PCDH15: variants seen among roughly 807,000 people sequenced by gnomAD.
PCDH15 encodes protocadherin related 15, also known as protocadherin-15.
Under a neutral mutation model 178.5 loss-of-function variants are expected in PCDH15, and 129 were observed. That is an observed-to-expected ratio of 0.72 (90% CI 0.63 to 0.84). The LOEUF (loss-of-function observed/expected upper bound fraction) is 0.84. PCDH15 is among the 40% of genes least tolerant of loss of function. The probability of loss-of-function intolerance (pLI) is 0.00; values close to 1 mark genes in which losing one functional copy is unlikely to be tolerated. For missense variants in PCDH15, 2,230 were observed against 2,099.9 expected (o/e 1.06, Z -1.21); for synonymous variants, 800 against 732.0 (o/e 1.09, Z -1.50).
At chr10:54,982,950 A>G (rs1438552842) in intron 2 of PCDH15, among the ~76,000 whole-genome samples, 1 of 152,088 alleles carries the variant, frequency 6.6e-6, no homozygotes, top group Non-Finnish European at 1.5e-5. Context: ...AGAGACTCCA[A>G]CAGCTTGAGT....
intron 2 of PCDH15, among the ~76,000 whole-genome samples, chr10:54,569,205 A>T (rs1261999540): frequency 2.0e-5 from 3 of 152,098 alleles, no homozygotes; most frequent in Non-Finnish European, 4.4e-5. Context: ...TGAACTTTTT[A>T]TAAAATTAAA....
chr10:55,156,738 G>C (rs1205904927), intron 2 of PCDH15, among the ~76,000 whole-genome samples: 1 of 152,100 alleles, frequency 6.6e-6, no homozygotes, highest in Non-Finnish European at 1.5e-5. Flanking sequence ...CAGAGGGGGA[G>C]TTTGTAACCT....
At chr10:55,518,944 A>T (rs1260338047) in intron 2 of PCDH15, among the ~76,000 whole-genome samples, 1 of 151,766 alleles carries the variant, frequency 6.6e-6, no homozygotes, top group African/African-American at 2.4e-5. Context: ...AATACAAAAA[A>T]TTAGCCTGGC....
intron 2 of PCDH15, among the ~76,000 whole-genome samples, chr10:55,556,863 T>A (rs2132093949): frequency 6.6e-6 from 1 of 152,262 alleles, no homozygotes; most frequent in East Asian, 1.9e-4. Flanking sequence ...GTTTTTTACA[T>A]TTTTCTTAAC....
chr10:54,659,192 G>T (rs1030062996), intron 2 of PCDH15, among the ~76,000 whole-genome samples: 1 of 152,168 alleles, frequency 6.6e-6, no homozygotes, highest in Non-Finnish European at 1.5e-5. Flanking sequence ...TATATAATCT[G>T]TCTGGTGACA....
At chr10:54,677,236 G>A (rs540894074) in intron 1 of PCDH15, among the ~76,000 whole-genome samples, 12 of 152,132 alleles carry the variant, frequency 7.9e-5, no homozygotes, top group African/African-American at 2.2e-4. Flanking sequence ...AAAATTAGCC[G>A]GGAGTAAGGG....
At chr10:55,434,559 T>G (rs1838986839) in intron 2 of PCDH15, among the ~76,000 whole-genome samples, 1 of 152,088 alleles carries the variant, frequency 6.6e-6, no homozygotes, top group Non-Finnish European at 1.5e-5. Flanking sequence ...AGCTCTTCAT[T>G]AACATGTTTC....
chr10:55,196,834 G>C (rs1840106042), intron 1 of PCDH15, among the ~76,000 whole-genome samples: 1 of 151,792 alleles, frequency 6.6e-6, no homozygotes, highest in African/African-American at 2.4e-5. Flanking sequence ...TTATGACAAT[G>C]CTTTTGTAGA....
At chr10:55,206,226 G>A (rs7913959) in intron 1 of PCDH15, among the ~76,000 whole-genome samples, 8,106 of 152,136 alleles carry the variant, frequency 0.053, 247 homozygotes, top group East Asian at 0.1. Context: ...TACTGATATT[G>A]CAAATTGCTT....
intron 10 of PCDH15, 76 bp downstream of exon 10, chr10:54,213,860 G>A (rs2051709418): frequency 2.1e-6 from 2 of 931,684 alleles, no homozygotes; most frequent in Admixed American, 3.7e-5. Flanking sequence ...ACATAAAACT[G>A]CCTACAGTAG....
At chr10:54,363,775 T>A (rs1478444330) in intron 5 of PCDH15, among the ~76,000 whole-genome samples, 2 of 152,180 alleles carry the variant, frequency 1.3e-5, no homozygotes, top group African/African-American at 4.8e-5. Context: ...TGAGAGTATA[T>A]TTTCTTTCAA....
intron 13 of PCDH15, among the ~76,000 whole-genome samples, chr10:54,158,822 T>C (rs1685585349): frequency 6.6e-6 from 1 of 152,130 alleles, no homozygotes; most frequent in South Asian, 2.1e-4. Context: ...AGAAGTGAAT[T>C]ATGGGCCGGA....
intron 3 of PCDH15, among the ~76,000 whole-genome samples, chr10:54,426,201 C>T (rs1476736175): frequency 2.6e-5 from 4 of 152,118 alleles, no homozygotes; most frequent in South Asian, 2.1e-4. Context: ...AAGACATCTT[C>T]GAATTTAATG....
chr10:54,858,299 T>C (rs1017397631), intron 3 of PCDH15, among the ~76,000 whole-genome samples: 2 of 152,210 alleles, frequency 1.3e-5, no homozygotes, highest in Admixed American at 1.3e-4. Flanking sequence ...GATATCTTTG[T>C]TGATTCATTC....
At chr10:55,473,346 A>G (rs1840002556) in intron 2 of PCDH15, among the ~76,000 whole-genome samples, 1 of 151,984 alleles carries the variant, frequency 6.6e-6, no homozygotes, top group Non-Finnish European at 1.5e-5. Flanking sequence ...AAAAAAAAAG[A>G]AAACCACCTA....
At position 53,805,215 on chromosome 10, in the gene PCDH15, A is replaced by C. The variant is rs1423246196; in HGVS notation, c.*1364T>G. The C allele has an allele frequency of 3.3e-5, 5 of 152,084 alleles. No individual in the cohort carries two copies. The highest frequency in any genetic ancestry group is 3.3e-4 in the Admixed American group (5 of 15,244). 9.4% of individuals were successfully genotyped at this position (152,084 alleles called of 1,614,324 possible). ...TCCTTCAACCATATATTAAGCATGCATGAGGAAATTTCATTAAAACCTGAA... is the reference window on the plus strand; with the variant it reads ...TCCTTCAACCATATATTAAGCATGCCTGAGGAAATTTCATTAAAACCTGAA... On this transcript the variant is annotated 3_prime_UTR_variant, in exon 38 of 38. Transcript: ENST00000644397.
intron 7 of PCDH15, among the ~76,000 whole-genome samples, chr10:54,323,118 A>G (rs1453983927): frequency 6.6e-6 from 1 of 152,180 alleles, no homozygotes; most frequent in Non-Finnish European, 1.5e-5. Flanking sequence ...AAACATGCTC[A>G]TCAGCATTTA....
chr10:53,868,429 A>T (rs2079602988), intron 26 of PCDH15, among the ~76,000 whole-genome samples: 1 of 152,034 alleles, frequency 6.6e-6, no homozygotes, highest in African/African-American at 2.4e-5. Context: ...TACTTATATA[A>T]ATTAGTGATA....
chr10:54,603,803 C>T (rs780728821), intron 2 of PCDH15, among the ~76,000 whole-genome samples: 20 of 151,954 alleles, frequency 1.3e-4, no homozygotes, highest in Non-Finnish European at 2.9e-4. Context: ...CCAGATTTTA[C>T]AATTTCACAT....
Sources: gnomAD v4.1 joint callset for allele counts (sites outside exome capture counted in the v4.1 genomes callset) on GRCh38, gnomAD v4.1.1 for gene constraint, MANE v1.5 for transcripts, NCBI Gene and HGNC (gene_info 2026-07-23, HGNC 2026-07-21) for gene names.